The following PCDHGA2 variants were observed in gnomAD, a reference collection of about 807,000 sequenced individuals.
The protein encoded by PCDHGA2 is protocadherin gamma-A2.
In PCDHGA2, 40 loss-of-function variants were observed where a neutral mutation model predicts 59.2. That is an observed-to-expected ratio of 0.68 (90% CI 0.52 to 0.88). The LOEUF (loss-of-function observed/expected upper bound fraction) is 0.88, where lower values mean the gene tolerates loss of function less well. PCDHGA2 is among the 40% of genes least tolerant of loss of function. The pLI, the probability that PCDHGA2 is intolerant of heterozygous loss-of-function variation, is 0.00. For synonymous variants in PCDHGA2, 560 were observed against 526.0 expected (o/e 1.06, Z -0.89); for missense variants, 1,226 against 1,204.0 (o/e 1.02, Z -0.27).
At chr5:141,372,931 A>T in intron 1 of PCDHGA2, 1 of 890,318 alleles carries the variant, frequency 1.1e-6, no homozygotes, top group Non-Finnish European at 1.6e-6. Flanking sequence ...TTTCTGGTGT[A>T]GAGTAGGGTG....
chr5:141,508,451 C>T (rs1245251907), intron 3 of PCDHGA2, among the ~76,000 whole-genome samples: 1 of 152,180 alleles, frequency 6.6e-6, no homozygotes, highest in Admixed American at 6.5e-5. Flanking sequence ...AGTGGCAGAG[C>T]AGAGCAAATA....
intron 1 of PCDHGA2, chr5:141,343,982 C>T: frequency 1.4e-6 from 2 of 1,421,238 alleles, no homozygotes; most frequent in African/African-American, 1.4e-5. Flanking sequence ...GATTGGAGTC[C>T]GTCGTAGGAA....
At chr5:141,419,259 C>T (rs765877993) in intron 1 of PCDHGA2, 2 of 1,613,900 alleles carry the variant, frequency 1.2e-6, no homozygotes, top group South Asian at 2.2e-5. Flanking sequence ...AACAACCAGC[C>T]GGGTGCCTCC....
At chr5:141,453,969 A>T (rs543979166) in intron 1 of PCDHGA2, among the ~76,000 whole-genome samples, 13 of 152,356 alleles carry the variant, frequency 8.5e-5, no homozygotes, top group South Asian at 2.1e-4. Flanking sequence ...CAAAGCATGT[A>T]GTTGTGTTGC....
At chr5:141,372,522 G>T in intron 1 of PCDHGA2, 1 of 1,613,986 alleles carries the variant, frequency 6.2e-7, no homozygotes, top group Non-Finnish European at 8.5e-7. Context: ...GGTGATTCTG[G>T]CAATCTCCCT....
At chr5:141,414,334 A>C in intron 1 of PCDHGA2, 1 of 1,613,782 alleles carries the variant, frequency 6.2e-7, no homozygotes, top group Non-Finnish European at 8.5e-7. Flanking sequence ...TGGACAGGTA[A>C]CCTGTTCCAT....
intron 1 of PCDHGA2, among the ~76,000 whole-genome samples, chr5:141,348,417 C>T (rs903044616): frequency 2.0e-5 from 3 of 151,750 alleles, no homozygotes; most frequent in Admixed American, 6.6e-5. Context: ...GAAAAAGGCA[C>T]GTAACTTTTA....
intron 1 of PCDHGA2, chr5:141,350,656 A>G: frequency 6.2e-7 from 1 of 1,614,044 alleles, no homozygotes; most frequent in East Asian, 2.2e-5. Context: ...GTTTCGTTGC[A>G]AAAGGCATTG....
chr5:141,430,580 G>A, intron 1 of PCDHGA2: 1 of 478,526 alleles, frequency 2.1e-6, no homozygotes, highest in Admixed American at 3.8e-5. Context: ...CGGAGATCCT[G>A]CTCGCCTTGC....
intron 1 of PCDHGA2, among the ~76,000 whole-genome samples, chr5:141,347,637 A>C (rs1050531280): frequency 7.2e-5 from 11 of 152,108 alleles, no homozygotes; most frequent in African/African-American, 2.7e-4. Flanking sequence ...AAATACAAAA[A>C]TTAGCTGGGC....
intron 1 of PCDHGA2, among the ~76,000 whole-genome samples, chr5:141,397,036 T>G (rs2093467467): frequency 2.0e-5 from 3 of 152,222 alleles, no homozygotes. Context: ...TGTCCACAAA[T>G]TTATGTAAAT....
chr5:141,496,766 CT>C (rs1361332988), intron 2 of PCDHGA2, among the ~76,000 whole-genome samples: 1 of 152,068 alleles, frequency 6.6e-6, no homozygotes, highest in Non-Finnish European at 1.5e-5. Context: ...TATCGAGCAT[CT>C]ACTATGAGCA....
chr5:141,468,749 C>G (rs1237051053), intron 1 of PCDHGA2, among the ~76,000 whole-genome samples: 1 of 151,962 alleles, frequency 6.6e-6, no homozygotes, highest in Non-Finnish European at 1.5e-5. Context: ...GCCTGTAGTC[C>G]CAGCTACTCG....
intron 1 of PCDHGA2, chr5:141,410,397 G>A (rs1338071222): frequency 1.9e-6 from 3 of 1,613,930 alleles, no homozygotes; most frequent in South Asian, 1.1e-5. Context: ...CCTGGTCTCT[G>A]TGTCAAGTCT....
At chr5:141,355,012 A>T in intron 1 of PCDHGA2, 1 of 841,198 alleles carries the variant, frequency 1.2e-6, no homozygotes. Context: ...ACAAACCAGA[A>T]ATTTAATCAG....
chr5:141,418,363 C>G (rs147423305), intron 1 of PCDHGA2: 1 of 1,613,866 alleles, frequency 6.2e-7, no homozygotes, highest in Non-Finnish European at 8.5e-7. Context: ...ATTCGCTGAG[C>G]AAATACCAAC....
At chr5:141,439,496 G>A (rs1166315364) in intron 1 of PCDHGA2, among the ~76,000 whole-genome samples, 2 of 152,152 alleles carry the variant, frequency 1.3e-5, no homozygotes, top group Non-Finnish European at 2.9e-5. Context: ...AGTGAGAAAC[G>A]TCTTTCTCTC....
intron 1 of PCDHGA2, chr5:141,408,275 T>C: frequency 1.2e-6 from 2 of 1,611,874 alleles, no homozygotes; most frequent in Non-Finnish European, 1.7e-6. Flanking sequence ...GCTGCCTTTG[T>C]TCTACCCCAC....
In PCDHGA2 at chr5:141,393,936, G is replaced by A. The variant is rs766829273; in HGVS notation, c.2424+52541G>A. On this transcript the variant is annotated intron_variant, in intron 1 of 3. Transcript: ENST00000394576. ...TGCCTTCTTGAGTGTGCATGACCAA[G>A]ACTCTGGAAAGAATGGTCAAGTTGT... 3 of 1,613,922 alleles carry A rather than the reference G, an allele frequency of 1.9e-6. No homozygotes were observed. In the Admixed American group the frequency reaches 5.0e-5, roughly 27 times the overall value.
Sources: allele counts gnomAD v4.1 joint callset (sites outside exome capture counted in the v4.1 genomes callset), GRCh38; gene constraint gnomAD v4.1.1; transcripts MANE v1.5; gene names NCBI Gene and HGNC (gene_info 2026-07-23, HGNC 2026-07-21).